PDE4D: variants seen among roughly 807,000 people sequenced by gnomAD.
PDE4D encodes the protein phosphodiesterase 4D, also known as 3',5'-cyclic-AMP phosphodiesterase 4D.
In PDE4D, 24 loss-of-function variants were observed where a neutral mutation model predicts 87.4. That is an observed-to-expected ratio of 0.27 (90% CI 0.20 to 0.39). The LOEUF is 0.39. Ranked by LOEUF, PDE4D falls within the 10% of genes least tolerant of loss-of-function variation. The pLI is 1.00. For missense variants in PDE4D, 714 were observed against 1,041.0 expected (o/e 0.69, Z 4.32); for synonymous variants, 384 against 383.2 (o/e 1.00, Z -0.02).
intron 3 of PDE4D, among the ~76,000 whole-genome samples, chr5:59,911,076 T>C (rs1330427877): frequency 6.6e-6 from 1 of 152,264 alleles, no homozygotes; most frequent in African/African-American, 2.4e-5. Flanking sequence ...ATTTAGTTTA[T>C]AGTTTAACTT....
At chr5:60,044,069 T>C (rs1768861787) in intron 2 of PDE4D, among the ~76,000 whole-genome samples, 1 of 152,142 alleles carries the variant, frequency 6.6e-6, no homozygotes, top group Non-Finnish European at 1.5e-5. Context: ...TTCTGTGATT[T>C]GAACATAATA....
In PDE4D at chr5:59,893,407, C is replaced by G. The variant is rs1452281390; in HGVS notation, c.216G>C (p.Pro72=). The stretch of plus-strand genomic sequence containing the variant: ...GGGGGGGCGGCGGCGGCGGCTGTAG[C>G]GGACACTGGGGCTGGGGCTGGGGCG... ...PPSPQPQPQC[P]LQPPPPPPLP... is the part of the protein sequence containing the mutation. Residue 72 remains proline, a synonymous_variant, in exon 1 of 15, where the codon CCG becomes CCC. Coordinates refer to ENST00000340635, the MANE Select transcript of PDE4D (RefSeq NM_001104631.2). The G allele has an allele frequency of 7.1e-7, 1 of 1,399,856 alleles. No individual in the cohort carries two copies. Among genetic ancestry groups the G allele is most frequent in the South Asian group, 1.5e-5 (1 of 65,362 alleles). 86.7% of individuals were successfully genotyped at this position (1,399,856 alleles called of 1,614,324 possible).
chr5:59,749,941 C>T (rs2150719055), intron 1 of PDE4D, among the ~76,000 whole-genome samples: 1 of 152,238 alleles, frequency 6.6e-6, no homozygotes, highest in East Asian at 1.9e-4. Flanking sequence ...TCTTCCTCAG[C>T]TTGACAAATG....
chr5:60,359,553 AG>A (rs1231730808), intron 1 of PDE4D, among the ~76,000 whole-genome samples: 11 of 152,220 alleles, frequency 7.2e-5, no homozygotes, highest in African/African-American at 2.7e-4. Flanking sequence ...AACAAATAAA[AG>A]GATGGAACTT....
At chr5:59,322,916 C>A (rs1458024891) in intron 1 of PDE4D, among the ~76,000 whole-genome samples, 2 of 152,078 alleles carry the variant, frequency 1.3e-5, no homozygotes, top group African/African-American at 4.8e-5. Context: ...GAGCAAGAAG[C>A]AAATGTCATT....
At chr5:59,536,333 G>T (rs976898676) in intron 1 of PDE4D, among the ~76,000 whole-genome samples, 1 of 151,472 alleles carries the variant, frequency 6.6e-6, no homozygotes, top group Non-Finnish European at 1.5e-5. Flanking sequence ...ATGAAACCCT[G>T]TCTCTACTAA....
chr5:59,908,206 T>A (rs949171645), intron 3 of PDE4D, among the ~76,000 whole-genome samples: 1 of 151,990 alleles, frequency 6.6e-6, no homozygotes, highest in Non-Finnish European at 1.5e-5. Context: ...TGAGGCATTA[T>A]GCCTCAAATG....
chr5:59,853,245 G>A (rs1036150732), intron 1 of PDE4D, among the ~76,000 whole-genome samples: 1 of 152,080 alleles, frequency 6.6e-6, no homozygotes, highest in East Asian at 1.9e-4. Flanking sequence ...GTGTAACTTC[G>A]ACTCTGCTAA....
In PDE4D at chr5:59,893,252, G is replaced by A. The variant is rs1751232864; in HGVS notation, c.371C>T (p.Thr124Ile). The A allele has an allele frequency of 3.2e-6, 5 of 1,554,522 alleles. No individual in the cohort carries two copies. The highest frequency in any genetic ancestry group is 4.8e-5 in the East Asian group (2 of 41,328). ...RYLYCRAMDR[T>I]SYAVETGHRP... is the part of the protein sequence containing the mutation. ...GTGGCCGGTCTCCACCGCGTAGGAG[G>A]TGCGGTCCATGGCGCGACAGTACAG... The change falls in exon 1 of 15, where the codon ACC becomes ATC. Residue 124 changes from threonine to isoleucine, a missense_variant. Coordinates refer to ENST00000340635, the MANE Select transcript of PDE4D (RefSeq NM_001104631.2).
intron 3 of PDE4D, among the ~76,000 whole-genome samples, chr5:59,916,954 ATTTTTTTTTTTT>A (rs750105496): frequency 4.1e-5 from 3 of 73,618 alleles, no homozygotes; most frequent in South Asian, 4.5e-4. Flanking sequence ...TGCCCGGCTA[ATTTTTTTTTTTT>A]TTTTTTTTTT....
At chr5:59,858,107 C>T (rs1004201999) in intron 1 of PDE4D, among the ~76,000 whole-genome samples, 1 of 151,962 alleles carries the variant, frequency 6.6e-6, no homozygotes, top group Admixed American at 6.6e-5. Context: ...TATGCAAAGA[C>T]AAATATTTCA....
intron 1 of PDE4D, among the ~76,000 whole-genome samples, chr5:59,588,185 T>C (rs1825456841): frequency 2.0e-5 from 3 of 152,102 alleles, no homozygotes; most frequent in Admixed American, 2.0e-4. Flanking sequence ...TGTGTAGATA[T>C]GAGGAATGCT....
chr5:59,298,450 GATTCC>G (rs1474162150), intron 1 of PDE4D, among the ~76,000 whole-genome samples: 2 of 152,038 alleles, frequency 1.3e-5, no homozygotes, highest in African/African-American at 4.8e-5. Context: ...CTCACCTTGG[GATTCC>G]AGGCCTCTCT....
chr5:59,337,338 T>C (rs1298911153), intron 1 of PDE4D, among the ~76,000 whole-genome samples: 39 of 96,928 alleles, frequency 4.0e-4, no homozygotes, highest in African/African-American at 1.1e-3. Context: ...CCCCCCCACC[T>C]TTTTTTTTTT....
At chr5:60,263,671 TTG>T (rs972227450) in intron 1 of PDE4D, among the ~76,000 whole-genome samples, 55 of 152,302 alleles carry the variant, frequency 3.6e-4, no homozygotes, top group African/African-American at 1.3e-3. Context: ...GACACCAGTT[TTG>T]TTATTTTGTC....
In PDE4D at chr5:59,586,624, G is replaced by A. The variant is rs992966318; in HGVS notation, c.455+306544C>T. ...TGCAGGTATGGGTCCATCCATTTAG[G>A]TTCCACTAGTTAGTCAACATACTAA... On this transcript the variant is annotated intron_variant, in intron 1 of 14. Coordinates refer to ENST00000340635, the MANE Select transcript of PDE4D (RefSeq NM_001104631.2). 3.0e-5 allele frequency: 37 copies of A among 1,217,288 alleles called. No homozygotes were observed. In the South Asian group the frequency reaches 7.5e-4, roughly 25 times the overall value. The allele number at this position is 1,217,288 out of a possible 1,614,324, so 75.4% of individuals were successfully genotyped here.
chr5:59,695,049 T>C (rs939670228), intron 1 of PDE4D, among the ~76,000 whole-genome samples: 1 of 152,200 alleles, frequency 6.6e-6, no homozygotes, highest in African/African-American at 2.4e-5. Flanking sequence ...CTTACACTTA[T>C]ATCTAATCAA....
intron 1 of PDE4D, among the ~76,000 whole-genome samples, chr5:60,241,407 G>T (rs550538553): frequency 6.6e-6 from 1 of 151,644 alleles, no homozygotes; most frequent in Admixed American, 6.6e-5. Context: ...CCAAGTAGCT[G>T]GGATTACAGG....
chr5:59,292,754 A>G (rs10472102), intron 1 of PDE4D, among the ~76,000 whole-genome samples: 25,295 of 152,054 alleles, frequency 0.17, 2,289 homozygotes, highest in East Asian at 0.23. Context: ...CCAGGTCTCA[A>G]ATGGTTTCAT....
Sources: gnomAD v4.1 joint callset for allele counts (sites outside exome capture counted in the v4.1 genomes callset) on GRCh38, gnomAD v4.1.1 for gene constraint, MANE v1.5 for transcripts, NCBI Gene and HGNC (gene_info 2026-07-23, HGNC 2026-07-21) for gene names.